The following PCDHGA5 variants were observed in gnomAD, a reference collection of about 807,000 sequenced individuals.
PCDHGA5 encodes protocadherin gamma-A5.
A neutral mutation model predicts 56.7 loss-of-function variants in PCDHGA5; 36 were observed. The observed-to-expected ratio is 0.64, with a 90% confidence interval of 0.49 to 0.84. The LOEUF is 0.84. Among genes scored for constraint, PCDHGA5 ranks in the 40% least tolerant of loss-of-function variants. The probability of loss-of-function intolerance (pLI) is 0.00; values close to 1 mark genes in which losing one functional copy is unlikely to be tolerated. For missense variants in PCDHGA5, 1,305 were observed against 1,201.5 expected (o/e 1.09, Z -1.27); for synonymous variants, 563 against 520.2 (o/e 1.08, Z -1.12).
rs541159563 is a variant in PCDHGA5, at chr5:141,383,854, G to A, written c.2421+17103G>A. 2.3e-5 allele frequency: 37 copies of A among 1,613,942 alleles called. No homozygotes were observed. The South Asian group carries it at 3.4e-4, about 15-fold the overall frequency. Reference sequence around the variant, plus strand: ...AGAAACTGCCTTCTATGAAATGGAGGTTCAGGCTCAAGATGGTCCTGGTAG... The same window carrying A: ...AGAAACTGCCTTCTATGAAATGGAGATTCAGGCTCAAGATGGTCCTGGTAG... On this transcript the variant is annotated intron_variant, in intron 1 of 3. Transcript: ENST00000518069.
chr5:141,402,850 T>C (rs1447900346), intron 1 of PCDHGA5: 7 of 1,417,624 alleles, frequency 4.9e-6, no homozygotes, highest in Non-Finnish European at 6.5e-6. Context: ...TCAGCCTCTT[T>C]CTTCTAAGGA....
In PCDHGA5 at chr5:141,395,514, C is replaced by T. The variant is rs138744897; in HGVS notation, c.2421+28763C>T. 1.1e-3 allele frequency: 455 copies of T among 421,180 alleles called. 7 individuals carry two copies. The highest frequency in any genetic ancestry group is 8.9e-3 in the African/African-American group (432 of 48,430). The allele number at this position is 421,180 out of a possible 1,614,324, so 26.1% of individuals were successfully genotyped here. ...ACTCATTCACTTAAGAAGTAGCTAC[C>T]CGTCCATACTGGTAATTTTGCTATT... On this transcript the variant is annotated intron_variant, in intron 1 of 3. Transcript: ENST00000518069.
Position 141,489,471 on chromosome 5 carries a change from G to A in PCDHGA5, c.2422-5336G>A. ...AGGAGAATGGGCGCTATTTTTCCCT[G>A]AGCTTGATGAGTGGTGCCCTGGCAG... On this transcript the variant is annotated intron_variant, in intron 1 of 3. Transcript: ENST00000518069. This position sits in a 1 kb window ranked among gnomAD's most constrained non-coding sequence, Gnocchi z 4.5. 1 of 1,614,074 alleles carries A rather than the reference G, an allele frequency of 6.2e-7. No homozygotes were observed. The highest frequency in any genetic ancestry group is 8.5e-7 in the Non-Finnish European group (1 of 1,180,026).
At chr5:141,404,211 T>G in intron 1 of PCDHGA5, 1 of 1,613,724 alleles carries the variant, frequency 6.2e-7, no homozygotes, top group East Asian at 2.2e-5. Context: ...GAATATAATA[T>G]CACGGTGACT....
chr5:141,382,453 G>A (rs1300977672), intron 1 of PCDHGA5, among the ~76,000 whole-genome samples: 1 of 152,202 alleles, frequency 6.6e-6, no homozygotes, highest in Non-Finnish European at 1.5e-5. Flanking sequence ...GCAAGGCAAA[G>A]CAGTTTTTTA....
At chr5:141,503,284 G>C (rs899456087) in intron 2 of PCDHGA5, among the ~76,000 whole-genome samples, 2 of 152,044 alleles carry the variant, frequency 1.3e-5, no homozygotes, top group African/African-American at 4.8e-5. Flanking sequence ...TCTGTGTCTG[G>C]TACATAGAAA....
chr5:141,400,092 G>T, intron 1 of PCDHGA5: 1 of 1,614,060 alleles, frequency 6.2e-7, no homozygotes, highest in Non-Finnish European at 8.5e-7. Context: ...CCACCGCCAC[G>T]CTGCACTTGG....
intron 1 of PCDHGA5, among the ~76,000 whole-genome samples, chr5:141,444,315 G>A (rs2098431855): frequency 6.6e-6 from 1 of 151,946 alleles, no homozygotes; most frequent in South Asian, 2.1e-4. Flanking sequence ...AGGATTACAG[G>A]CATGTGCCAC....
At chr5:141,455,690 C>T (rs1209152869) in intron 1 of PCDHGA5, among the ~76,000 whole-genome samples, 1 of 152,064 alleles carries the variant, frequency 6.6e-6, no homozygotes, top group Non-Finnish European at 1.5e-5. Context: ...CTGTGGGAAT[C>T]GCCAAGTTGA....
At chr5:141,453,430 C>A (rs1043851647) in intron 1 of PCDHGA5, among the ~76,000 whole-genome samples, 1 of 152,018 alleles carries the variant, frequency 6.6e-6, no homozygotes, top group Non-Finnish European at 1.5e-5. Flanking sequence ...CCACACCTAG[C>A]CTAGTATTCT....
chr5:141,407,338 A>G (rs1016766073), intron 1 of PCDHGA5, among the ~76,000 whole-genome samples: 33 of 152,208 alleles, frequency 2.2e-4, no homozygotes, highest in Non-Finnish European at 1.8e-4. Context: ...ATTGAAATGT[A>G]TGTTAATTTG....
chr5:141,364,436 C>T lies in PCDHGA5; in HGVS notation c.106C>T (p.Pro36Ser). Residue 36 changes from proline (P) to serine (S), a missense_variant, in exon 1 of 4, where the codon CCG becomes TCG. Coordinates refer to ENST00000518069, the MANE Select transcript of PCDHGA5 (RefSeq NM_018918.3). ...ATCCGGGCAGATCCGCTACTCGATGCCGGAGGAGCTGGACAAAGGCTCCTT... is the reference window on the plus strand; with the variant it reads ...ATCCGGGCAGATCCGCTACTCGATGTCGGAGGAGCTGGACAAAGGCTCCTT... Reference protein sequence around the residue: ...PGSGQIRYSMPEELDKGSFVG... With the variant: ...PGSGQIRYSMSEELDKGSFVG... 1 of 1,613,758 alleles carries T rather than the reference C, an allele frequency of 6.2e-7. No individual in the cohort carries two copies. The highest frequency in any genetic ancestry group is 8.5e-7 in the Non-Finnish European group (1 of 1,179,738).
At chr5:141,409,148 A>C (rs2154541051) in intron 1 of PCDHGA5, 1 of 1,614,056 alleles carries the variant, frequency 6.2e-7, no homozygotes. Context: ...AGAAAGGTAC[A>C]CCATGGAAGT....
At chr5:141,455,837 AT>A (rs2098833014) in intron 1 of PCDHGA5, among the ~76,000 whole-genome samples, 2 of 151,422 alleles carry the variant, frequency 1.3e-5, no homozygotes, top group African/African-American at 4.8e-5. Context: ...TTTCCTGTCT[AT>A]CTGCATAAAA....
At chr5:141,455,282 A>C (rs1307886349) in intron 1 of PCDHGA5, among the ~76,000 whole-genome samples, 1 of 152,056 alleles carries the variant, frequency 6.6e-6, no homozygotes, top group Non-Finnish European at 1.5e-5. Flanking sequence ...TATTAACATC[A>C]CTTTACATAG....
At chr5:141,478,444 T>C (rs1190996745) in intron 1 of PCDHGA5, 1 of 1,613,478 alleles carries the variant, frequency 6.2e-7, no homozygotes, top group Non-Finnish European at 8.5e-7. Flanking sequence ...TGAAGAAACC[T>C]GGTGCAGCCA....
At chr5:141,479,206 T>C (rs987807222) in intron 1 of PCDHGA5, 3 of 152,400 alleles carry the variant, frequency 2.0e-5, no homozygotes, top group African/African-American at 7.2e-5. Context: ...CAGAAAAGTA[T>C]TTAAAAAATT....
At chr5:141,376,676 G>GTTTTTTTTTTTTTTTTTTTTTTTTT in intron 1 of PCDHGA5, 1 of 275,812 alleles carries the variant, frequency 3.6e-6, no homozygotes, top group Non-Finnish European at 6.2e-6. Context: ...TGAGGGTATC[G>GTTTTTTTTTTTTTTTTTTTTTTTTT]TTTTTTTTTT....
chr5:141,409,928 G>T, intron 1 of PCDHGA5: 4 of 1,613,354 alleles, frequency 2.5e-6, no homozygotes, highest in Non-Finnish European at 2.5e-6. Flanking sequence ...CGCGTTCTTC[G>T]ATATGGTACC....
Sources: allele counts gnomAD v4.1 joint callset (sites outside exome capture counted in the v4.1 genomes callset), GRCh38; gene constraint gnomAD v4.1.1; non-coding constraint Gnocchi (gnomAD v3.1); transcripts MANE v1.5; gene names NCBI Gene and HGNC (gene_info 2026-07-23, HGNC 2026-07-21).